FGF14: variants seen among roughly 807,000 people sequenced by gnomAD.
FGF14 encodes fibroblast growth factor homologous factor 4.
A neutral mutation model predicts 25.5 loss-of-function variants in FGF14; 5 were observed. That is an observed-to-expected ratio of 0.20 (90% CI 0.10 to 0.41). The LOEUF (loss-of-function observed/expected upper bound fraction) is 0.41. Among genes scored for constraint, FGF14 ranks in the 10% least tolerant of loss-of-function variants. FGF14 has a pLI of 1.00. For missense variants in FGF14, 222 were observed against 320.1 expected (o/e 0.69, Z 2.34); for synonymous variants, 138 against 118.3 (o/e 1.17, Z -1.08).
At chr13:102,288,349 T>A (rs778180189) in intron 1 of FGF14, among the ~76,000 whole-genome samples, 7 of 152,150 alleles carry the variant, frequency 4.6e-5, no homozygotes, top group Non-Finnish European at 1.0e-4. Context: ...TAATTCTAAG[T>A]GCAGCATAAG....
chr13:102,021,866 T>C (rs1331495349), intron 1 of FGF14, among the ~76,000 whole-genome samples: 1 of 152,028 alleles, frequency 6.6e-6, no homozygotes, highest in African/African-American at 2.4e-5. Flanking sequence ...CTATTCTTAG[T>C]TCTTCTACTA....
chr13:102,224,265 C>T (rs1270719771), intron 1 of FGF14, among the ~76,000 whole-genome samples: 1 of 152,068 alleles, frequency 6.6e-6, no homozygotes, highest in Non-Finnish European at 1.5e-5. Flanking sequence ...TCGGCAGGGT[C>T]TTTGCAGGGC....
At chr13:102,141,672 A>C (rs1422068792) in intron 1 of FGF14, among the ~76,000 whole-genome samples, 1 of 152,180 alleles carries the variant, frequency 6.6e-6, no homozygotes, top group Non-Finnish European at 1.5e-5. Context: ...AAACATATTA[A>C]GCTCAATTAC....
intron 3 of FGF14, among the ~76,000 whole-genome samples, chr13:101,753,306 C>T (rs1479995806): frequency 6.7e-6 from 1 of 150,242 alleles, no homozygotes; most frequent in Non-Finnish European, 1.5e-5. Flanking sequence ...CAGACACACA[C>T]ACACACACAC....
chr13:102,341,857 A>C (rs988675121), intron 1 of FGF14, among the ~76,000 whole-genome samples: 10 of 152,178 alleles, frequency 6.6e-5, no homozygotes, highest in Admixed American at 2.0e-4. Context: ...AAGGATTCCC[A>C]AGACTATTTG....
intron 3 of FGF14, among the ~76,000 whole-genome samples, chr13:101,764,187 T>C (rs1372451132): frequency 1.3e-5 from 2 of 152,188 alleles, no homozygotes; most frequent in South Asian, 2.1e-4. Flanking sequence ...ATTTTAATAC[T>C]CTGATTCCAA....
chr13:101,843,003 A>G (rs1226437592), intron 3 of FGF14, among the ~76,000 whole-genome samples: 4 of 152,062 alleles, frequency 2.6e-5, no homozygotes, highest in Non-Finnish European at 5.9e-5. Context: ...GTCTATACGG[A>G]AACATACACA....
At chr13:102,216,893 T>A (rs2050398886) in intron 1 of FGF14, among the ~76,000 whole-genome samples, 1 of 152,226 alleles carries the variant, frequency 6.6e-6, no homozygotes, top group Admixed American at 6.5e-5. Flanking sequence ...CACATATGAA[T>A]GAGGTCATAT....
chr13:102,184,744 G>C (rs892257985), intron 1 of FGF14, among the ~76,000 whole-genome samples: 6 of 152,128 alleles, frequency 3.9e-5, no homozygotes, highest in African/African-American at 1.2e-4. Context: ...TTGTGGATAG[G>C]GGTATGGGTT....
At chr13:101,986,035 G>C (rs2038559000) in intron 1 of FGF14, among the ~76,000 whole-genome samples, 1 of 152,048 alleles carries the variant, frequency 6.6e-6, no homozygotes, top group Non-Finnish European at 1.5e-5. Flanking sequence ...TTCAAGGTTA[G>C]GAAATTAATT....
intron 1 of FGF14, among the ~76,000 whole-genome samples, chr13:102,173,314 TA>T (rs539548980): frequency 9.1e-4 from 138 of 151,864 alleles, no homozygotes; most frequent in Admixed American, 1.9e-3. Flanking sequence ...ATGACTGTCA[TA>T]AAAAAAAGAT....
At chr13:102,086,820 T>A (rs903314357) in intron 1 of FGF14, among the ~76,000 whole-genome samples, 5 of 152,240 alleles carry the variant, frequency 3.3e-5, no homozygotes, top group Non-Finnish European at 5.9e-5. Flanking sequence ...CAATCATAAC[T>A]TCTTTGAAGA....
intron 1 of FGF14, among the ~76,000 whole-genome samples, chr13:102,343,149 A>G (rs1243486922): frequency 2.0e-5 from 3 of 152,182 alleles, no homozygotes; most frequent in African/African-American, 7.2e-5. Flanking sequence ...CTATCCACGC[A>G]GAGATAATAA....
chr13:101,887,328 G>GTGTGTATA (rs372585813), intron 1 of FGF14, among the ~76,000 whole-genome samples: 11 of 147,690 alleles, frequency 7.4e-5, no homozygotes, highest in African/African-American at 2.7e-4. Context: ...ATATATGTGT[G>GTGTGTATA]TATATATATA....
chr13:101,824,856 G>A (rs2042325573), intron 3 of FGF14, among the ~76,000 whole-genome samples: 1 of 152,154 alleles, frequency 6.6e-6, no homozygotes, highest in South Asian at 2.1e-4. Context: ...AAGCCTCCAT[G>A]AAAACTTAAA....
intron 1 of FGF14, among the ~76,000 whole-genome samples, chr13:102,225,766 T>C (rs922269507): frequency 4.6e-5 from 7 of 152,224 alleles, no homozygotes; most frequent in African/African-American, 1.7e-4. Flanking sequence ...ACCAGACTAC[T>C]TCTTGGAGAC....
intron 1 of FGF14, among the ~76,000 whole-genome samples, chr13:101,950,790 G>A (rs2036119952): frequency 7.4e-6 from 1 of 135,058 alleles, no homozygotes. Flanking sequence ...GAGTTTTCAA[G>A]CTAATAGGAG....
At chr13:102,145,747 TA>T (rs2046828397) in intron 1 of FGF14, among the ~76,000 whole-genome samples, 1 of 152,170 alleles carries the variant, frequency 6.6e-6, no homozygotes, top group Non-Finnish European at 1.5e-5. Flanking sequence ...ATCAGTAGAT[TA>T]ATAAAATTAA....
At chr13:101,849,948 G>T (rs1291483266) in intron 3 of FGF14, among the ~76,000 whole-genome samples, 1 of 152,048 alleles carries the variant, frequency 6.6e-6, no homozygotes, top group Non-Finnish European at 1.5e-5. Context: ...AGATCTGTAG[G>T]CCATTCCAAA....
Sources: gnomAD v4.1 joint callset for allele counts (sites outside exome capture counted in the v4.1 genomes callset) on GRCh38, gnomAD v4.1.1 for gene constraint, MANE v1.5 for transcripts, NCBI Gene and HGNC (gene_info 2026-07-23, HGNC 2026-07-21) for gene names.